The following CFAP43 variants were observed in gnomAD, a reference collection of about 807,000 sequenced individuals.
CFAP43 encodes cilia and flagella associated protein 43, also known as cilia- and flagella-associated protein 43.
In CFAP43, 155 loss-of-function variants were observed where a neutral mutation model predicts 218.9. That is an observed-to-expected ratio of 0.71 (90% CI 0.62 to 0.81). The LOEUF (loss-of-function observed/expected upper bound fraction) is 0.81, where lower values mean the gene tolerates loss of function less well. Among genes scored for constraint, CFAP43 ranks in the 30% least tolerant of loss-of-function variants. The pLI is 0.00. For synonymous variants in CFAP43, 645 were observed against 681.3 expected (o/e 0.95, Z 0.83); for missense variants, 1,778 against 1,954.3 (o/e 0.91, Z 1.70).
At chr10:104,231,888 G>A (rs1348046416) in intron 1 of CFAP43, among the ~76,000 whole-genome samples, 1 of 152,076 alleles carries the variant, frequency 6.6e-6, no homozygotes, top group East Asian at 1.9e-4. Context: ...TGAGCTAGAA[G>A]GAAGAGATGA....
intron 28 of CFAP43, among the ~76,000 whole-genome samples, chr10:104,150,146 C>A (rs1453642236): frequency 6.6e-6 from 1 of 152,158 alleles, no homozygotes; most frequent in Non-Finnish European, 1.5e-5. Flanking sequence ...GGATAATACT[C>A]CCTTGTATGG....
intron 19 of CFAP43, among the ~76,000 whole-genome samples, chr10:104,173,964 A>G (rs1342727308): frequency 6.6e-6 from 1 of 152,244 alleles, no homozygotes; most frequent in African/African-American, 2.4e-5. Context: ...ATAATTTTAC[A>G]GTAACTAGGG....
chr10:104,136,282 GAA>G (rs1271704173), intron 34 of CFAP43, among the ~76,000 whole-genome samples: 3 of 129,372 alleles, frequency 2.3e-5, no homozygotes, highest in Non-Finnish European at 3.4e-5. Context: ...AAAAAAAGAA[GAA>G]AAGAAAAGAA....
At chr10:104,133,825 G>C (rs1026540800) in intron 34 of CFAP43, 41 bp from the exon 35 acceptor site, 2 of 1,488,076 alleles carry the variant, frequency 1.3e-6, no homozygotes, top group African/African-American at 2.8e-5. Context: ...ATATGATTCT[G>C]CATATAGAAC....
intron 19 of CFAP43, among the ~76,000 whole-genome samples, chr10:104,178,033 G>T (rs1267164110): frequency 1.3e-5 from 2 of 152,196 alleles, no homozygotes; most frequent in African/African-American, 2.4e-5. Context: ...CAGAAGCACA[G>T]ATTTTATAAA....
intron 27 of CFAP43, 129 bp downstream of exon 27, chr10:104,160,908 T>C: frequency 1.1e-6 from 1 of 922,592 alleles, no homozygotes; most frequent in Non-Finnish European, 1.5e-6. Context: ...CTCCAAATTC[T>C]CTTGAGAATT....
At position 104,148,016 on chromosome 10, in the gene CFAP43, A is replaced by T. The variant is rs763380701; in HGVS notation, c.3661-18T>A. On this transcript the variant is annotated intron_variant, in intron 28 of 37. Coordinates refer to ENST00000357060, the MANE Select transcript of CFAP43 (RefSeq NM_025145.7). ...AGTTCCTCCTGTAGAAATATTTAAG[A>T]AAAAGGTTGGTGGAATTACTTCCAC... 17 of 1,520,064 alleles carry T rather than the reference A, an allele frequency of 1.1e-5. No homozygotes were observed. The highest frequency in any genetic ancestry group is 1.5e-5 in the Non-Finnish European group (17 of 1,123,972). The allele number at this position is 1,520,064 out of a possible 1,614,324, so 94.2% of individuals were successfully genotyped here. A position where few individuals can be genotyped will look rare whatever the true frequency, so the allele number is the denominator to read the frequency against.
intron 25 of CFAP43, 93 bp downstream of exon 25, chr10:104,162,224 A>G (rs2088913222): frequency 1.5e-6 from 2 of 1,338,760 alleles, no homozygotes; most frequent in East Asian, 4.6e-5. Flanking sequence ...TCTGACCACG[A>G]CAAATGTGTT....
At chr10:104,204,698 G>A (rs554336870) in intron 7 of CFAP43, among the ~76,000 whole-genome samples, 1 of 152,070 alleles carries the variant, frequency 6.6e-6, no homozygotes, top group Non-Finnish European at 1.5e-5. Context: ...CTGCAAGGTT[G>A]GGGGAGCTAA....
In CFAP43 at chr10:104,168,822, G is replaced by C; in HGVS notation, c.2613C>G (p.Asn871Lys). Reference sequence around the variant, plus strand: ...GTTCAGCCAAATAGCTCTTGGCTAAGTTATGCATCTCTACATCCTTTATCA... The same window carrying C: ...GTTCAGCCAAATAGCTCTTGGCTAACTTATGCATCTCTACATCCTTTATCA... ...AKMIKDVEMHNLAKSYLAELI... is the reference protein window; with the variant it reads ...AKMIKDVEMHKLAKSYLAELI... Residue 871 changes from asparagine to lysine, a missense_variant, in exon 21 of 38, where the codon AAC becomes AAG. Asn to Lys is a moderately conservative substitution (Grantham distance 94). Around this residue, in one of 3 missense-constraint regions of CFAP43, gnomAD observed 1,553 missense variants for 1,685.2 expected, o/e 0.92. Coordinates refer to ENST00000357060, the MANE Select transcript of CFAP43 (RefSeq NM_025145.7). The C allele has an allele frequency of 6.2e-7, 1 of 1,613,572 alleles. No individual in the cohort carries two copies. The highest frequency in any genetic ancestry group is 1.3e-5 in the African/African-American group (1 of 75,030).
At position 104,194,707 on chromosome 10, in the gene CFAP43, A is replaced by G. The variant is rs576881354; in HGVS notation, c.1294-693T>C. ...TGTCTAAGAGAATAAATTGACTTTC[A>G]TAATACTAGAGAAATCAGTATTCTT... On this transcript the variant is annotated intron_variant, in intron 10 of 37. Coordinates refer to ENST00000357060, the MANE Select transcript of CFAP43 (RefSeq NM_025145.7). Among the ~76,000 whole-genome samples the G allele has an allele frequency of 7.2e-5, 11 of 152,356 alleles. No homozygotes were observed. In the South Asian group the frequency reaches 2.3e-3, roughly 32 times the overall value.
chr10:104,144,643 C>T (rs1327487140), intron 31 of CFAP43, among the ~76,000 whole-genome samples: 3 of 151,758 alleles, frequency 2.0e-5, no homozygotes, highest in South Asian at 2.1e-4. Flanking sequence ...ACAGAGACTC[C>T]GTCTCAAAAA....
Position 104,201,822 on chromosome 10 carries a change from T to A in CFAP43, c.1095+1850A>T, listed in dbSNP as rs116542520. 1.2e-3 allele frequency among the ~76,000 whole-genome samples: 181 copies of A among 152,338 alleles called. 1 individual carries two copies. Among genetic ancestry groups the A allele is most frequent in the African/African-American group, 4.2e-3 (174 of 41,566 alleles). On this transcript the variant is annotated intron_variant, in intron 8 of 37. Coordinates refer to ENST00000357060, the MANE Select transcript of CFAP43 (RefSeq NM_025145.7). ...TGGGATCATTTTCCTCTGCCTGAAG[T>A]AAATTCTTTAGAATTTTCTCTAGTG...
intron 32 of CFAP43, 58 bp downstream of exon 32, chr10:104,143,368 A>G (rs2087796952): frequency 6.8e-7 from 1 of 1,461,970 alleles, no homozygotes; most frequent in Non-Finnish European, 9.3e-7. Flanking sequence ...TGACCAATGT[A>G]AACTATGTAT....
chr10:104,232,116 A>C, intron 1 of CFAP43, 66 bp downstream of exon 1: 1 of 1,532,800 alleles, frequency 6.5e-7, no homozygotes, highest in Non-Finnish European at 8.8e-7. Context: ...GAGAGGAGGG[A>C]GGAGGGGACT....
At chr10:104,196,520 A>G (rs2090385756) in intron 10 of CFAP43, among the ~76,000 whole-genome samples, 1 of 152,188 alleles carries the variant, frequency 6.6e-6, no homozygotes, top group Non-Finnish European at 1.5e-5. Flanking sequence ...AACCCCCATC[A>G]GCCTGGCTCC....
Position 104,192,253 on chromosome 10 carries a change from C to T in CFAP43, c.1492G>A (p.Val498Ile). The T allele has an allele frequency of 6.2e-7, 1 of 1,613,082 alleles. No homozygotes were observed. Among genetic ancestry groups the T allele is most frequent in the African/African-American group, 1.3e-5 (1 of 74,980 alleles). The change falls in exon 12 of 38, where the codon GTC (valine) becomes ATC (isoleucine). Residue 498 changes from valine (V) to isoleucine (I), a missense_variant. By Grantham distance (29) the Val-to-Ile change is conservative. Transcript: ENST00000357060. ...FLLVGTAEGK[V>I]FIINANSSSS... is the part of the protein sequence containing the mutation. ...GAGGAGTTGGCATTGATAATAAAGA[C>T]TTTTCCTTCTGCTGTTCCAACTAAC...
chr10:104,230,594 C>T lies in CFAP43; in HGVS notation c.315G>A (p.Leu105=). Residue 105 remains leucine, a synonymous_variant, in exon 2 of 38, where the codon TTG becomes TTA. Transcript: ENST00000357060. ...SFPGLTRRTK[L]KGNILLDYTL... ...AGGAAGGGTTCTCTAGAATACCTTT[C>T]AATTTGGTCCTTCTGGTCAATCCTG... The T allele has an allele frequency of 6.2e-7, 1 of 1,613,696 alleles. No homozygotes were observed. The highest frequency in any genetic ancestry group is 8.5e-7 in the Non-Finnish European group (1 of 1,179,896).
intron 34 of CFAP43, among the ~76,000 whole-genome samples, chr10:104,136,472 G>C (rs1440677125): frequency 1.3e-5 from 2 of 151,838 alleles, no homozygotes; most frequent in Non-Finnish European, 2.9e-5. Context: ...CCGAGTTCAA[G>C]TGAGTCTCCT....
Sources: allele counts gnomAD v4.1 joint callset (sites outside exome capture counted in the v4.1 genomes callset), GRCh38; gene constraint gnomAD v4.1.1; regional missense constraint gnomAD v4.1.1; transcripts MANE v1.5; gene names NCBI Gene and HGNC (gene_info 2026-07-23, HGNC 2026-07-21).